The following TMEM150C variants were observed in gnomAD, a reference collection of about 807,000 sequenced individuals.
The protein encoded by TMEM150C is transmembrane protein 150C, also known as tentonin 3.
A neutral mutation model predicts 29.9 loss-of-function variants in TMEM150C; 10 were observed. The observed-to-expected ratio is 0.33, with a 90% CI of 0.21 to 0.57. The LOEUF is 0.57. Ranked by LOEUF, TMEM150C falls within the 20% of genes least tolerant of loss-of-function variation. The pLI is 0.88. For synonymous variants in TMEM150C, 101 were observed against 112.5 expected (o/e 0.90, Z 0.64); for missense variants, 251 against 303.6 (o/e 0.83, Z 1.29).
At position 82,561,588 on chromosome 4, in the gene TMEM150C, C is replaced by T. The variant is rs1349538554; in HGVS notation, c.-11+318G>A. 4.0e-5 allele frequency among the ~76,000 whole-genome samples: 6 copies of T among 150,026 alleles called. No homozygotes were observed. In the East Asian group the frequency reaches 5.9e-4, roughly 15 times the overall value. Reference sequence around the variant, plus strand: ...GCCGGGGCCGCAGCGGGCGGGCTGGCTGGCGGCACTGCGGCGGCGGGGACC... The same window carrying T: ...GCCGGGGCCGCAGCGGGCGGGCTGGTTGGCGGCACTGCGGCGGCGGGGACC... On this transcript the variant is annotated intron_variant, in intron 1 of 7. Coordinates refer to ENST00000449862, the MANE Select transcript of TMEM150C (RefSeq NM_001080506.3).
chr4:82,492,808 A>C lies in TMEM150C; in HGVS notation c.364-2570T>G, dbSNP rs1297183112. 2.5e-4 allele frequency among the ~76,000 whole-genome samples: 30 copies of C among 119,206 alleles called. No individual in the cohort carries two copies. In the South Asian group the frequency reaches 2.8e-3, roughly 11 times the overall value. 78.2% of individuals were successfully genotyped at this position (119,206 alleles called of 152,430 possible). On this transcript the variant is annotated intron_variant, in intron 6 of 7. Transcript: ENST00000449862. ...CCACTTCTCCAAAAAAAAAAAAAAA[A>C]AACAACAAAGTCTATCCATATCCAC...
At position 82,540,114 on chromosome 4, in the gene TMEM150C, C is replaced by CTTTTTTTTTTTTTTTTTT. The variant is rs577728662; in HGVS notation, c.-11+21774_-11+21791dup. ...TAGTCATTCAATGTTTCTACCTATT[C>CTTTTTTTTTTTTTTTTTT]TTTTTTTTTTTTTTTTTTTTTTTTT... On this transcript the variant is annotated intron_variant, in intron 1 of 7. Transcript: ENST00000449862. Among the ~76,000 whole-genome samples, 5 of 47,254 alleles carry CTTTTTTTTTTTTTTTTTT rather than the reference C, an allele frequency of 1.1e-4. 2 individuals carry two copies. Among genetic ancestry groups the CTTTTTTTTTTTTTTTTTT allele is most frequent in the Non-Finnish European group, 1.6e-4 (3 of 19,294 alleles). 31.0% of individuals were successfully genotyped at this position (47,254 alleles called of 152,430 possible). A position where few individuals can be genotyped will look rare whatever the true frequency, so the allele number is the denominator to read the frequency against.
chr4:82,541,016 C>T (rs1725183921), intron 1 of TMEM150C, among the ~76,000 whole-genome samples: 1 of 152,060 alleles, frequency 6.6e-6, no homozygotes, highest in South Asian at 2.1e-4. Flanking sequence ...ACAGTGCACT[C>T]CAATTTATTT....
chr4:82,496,207 G>A lies in TMEM150C; in HGVS notation c.236-12C>T, dbSNP rs1419988336. ...AGCTACCACAAGGGCTAGGAATAAA[G>A]CAAAGTCTTAAAATGGAAGAAATTA... On this transcript the variant is annotated splice_polypyrimidine_tract_variant and intron_variant, in intron 5 of 7. Coordinates refer to ENST00000449862, the MANE Select transcript of TMEM150C (RefSeq NM_001080506.3). 6.2e-7 allele frequency: 1 copy of A among 1,612,400 alleles called. No individual in the cohort carries two copies. Among genetic ancestry groups the A allele is most frequent in the Non-Finnish European group, 8.5e-7 (1 of 1,178,950 alleles).
At chr4:82,534,522 C>A (rs1013913828) in intron 1 of TMEM150C, among the ~76,000 whole-genome samples, 1 of 152,128 alleles carries the variant, frequency 6.6e-6, no homozygotes, top group African/African-American at 2.4e-5. Context: ...AAAAAGACAT[C>A]CCAAATAAAT....
At chr4:82,514,993 T>C (rs1055550697) in intron 1 of TMEM150C, among the ~76,000 whole-genome samples, 9 of 152,248 alleles carry the variant, frequency 5.9e-5, no homozygotes, top group Admixed American at 3.9e-4. Context: ...ACTCTGTTAA[T>C]TGAAGCCCAA....
At chr4:82,497,287 C>T (rs563300851) in intron 5 of TMEM150C, among the ~76,000 whole-genome samples, 33 of 152,088 alleles carry the variant, frequency 2.2e-4, no homozygotes, top group African/African-American at 8.0e-4. Context: ...AAACTTACTA[C>T]TAAGATAATT....
chr4:82,520,338 C>T (rs1289619045), intron 1 of TMEM150C, among the ~76,000 whole-genome samples: 2 of 152,150 alleles, frequency 1.3e-5, no homozygotes, highest in African/African-American at 2.4e-5. Context: ...TGTCAGCACC[C>T]ACAGTGTCCT....
In TMEM150C at chr4:82,499,450, G is replaced by A. The variant is rs959258594; in HGVS notation, c.236-3255C>T. ...AAGAGCACAAATAGAGGCCGGGCGC[G>A]GTGGCTCATGCCTATAATCCCAGCA... On this transcript the variant is annotated intron_variant, in intron 5 of 7. Transcript: ENST00000449862. Among the ~76,000 whole-genome samples, 7 of 151,978 alleles carry A rather than the reference G, an allele frequency of 4.6e-5. No homozygotes were observed. The East Asian group carries it at 9.6e-4, about 21-fold the overall frequency.
rs899086092 is a variant in TMEM150C, at chr4:82,502,625, T to G, written c.235+102A>C. 4 of 1,171,394 alleles carry G rather than the reference T, an allele frequency of 3.4e-6. No individual in the cohort carries two copies. In the Admixed American group the frequency reaches 8.9e-5, roughly 26 times the overall value. The allele number at this position is 1,171,394 out of a possible 1,614,324, so 72.6% of individuals were successfully genotyped here. A position where few individuals can be genotyped will look rare whatever the true frequency, so the allele number is the denominator to read the frequency against. ...CATATTGACATCGTATGATACTAAA[T>G]GATCAAATAAGCCCCCCATTGTTTT... On this transcript the variant is annotated intron_variant, in intron 5 of 7. Transcript: ENST00000449862.
intron 1 of TMEM150C, among the ~76,000 whole-genome samples, chr4:82,528,605 CTTT>C (rs549464188): frequency 3.6e-5 from 5 of 139,582 alleles, no homozygotes; most frequent in Admixed American, 1.4e-4. Flanking sequence ...TTCCTCGTCC[CTTT>C]TTTTTTTTTT....
chr4:82,495,171 G>C, intron 6 of TMEM150C: 1 of 384,574 alleles, frequency 2.6e-6, no homozygotes, highest in Non-Finnish European at 4.7e-6. Flanking sequence ...GACCAGGCGC[G>C]GTGGCTCAGG....
At chr4:82,499,719 CAA>C (rs1197264258) in intron 5 of TMEM150C, among the ~76,000 whole-genome samples, 4 of 40,288 alleles carry the variant, frequency 9.9e-5, no homozygotes, top group East Asian at 8.3e-4. Flanking sequence ...ACTCCGTCTC[CAA>C]AAAAAAAAAA....
At chr4:82,525,431 GA>G (rs1318569477) in intron 1 of TMEM150C, among the ~76,000 whole-genome samples, 1 of 152,138 alleles carries the variant, frequency 6.6e-6, no homozygotes, top group Non-Finnish European at 1.5e-5. Context: ...CTACAAACCA[GA>G]AAATCTAATT....
Position 82,561,981 on chromosome 4 carries a change from C to G in TMEM150C, c.-86G>C. 2 of 1,108,330 alleles carry G rather than the reference C, an allele frequency of 1.8e-6. No homozygotes were observed. Among genetic ancestry groups the G allele is most frequent in the South Asian group, 1.9e-5 (1 of 52,018 alleles). 68.7% of individuals were successfully genotyped at this position (1,108,330 alleles called of 1,614,324 possible). ...GCGGTGGCGGCGGCGGCAGCAGTAG[C>G]GGCGGGTAGGGCGCTTCCTTCAGGA... On this transcript the variant is annotated 5_prime_UTR_variant, in exon 1 of 8. Transcript: ENST00000449862.
intron 1 of TMEM150C, among the ~76,000 whole-genome samples, chr4:82,551,274 A>G (rs1011934409): frequency 2.6e-5 from 4 of 152,188 alleles, no homozygotes; most frequent in Non-Finnish European, 5.9e-5. Flanking sequence ...TCCATAGCAC[A>G]TACAGCATAC....
At chr4:82,541,607 A>G (rs1299539274) in intron 1 of TMEM150C, among the ~76,000 whole-genome samples, 1 of 152,234 alleles carries the variant, frequency 6.6e-6, no homozygotes, top group Non-Finnish European at 1.5e-5. Flanking sequence ...AAATGTACAG[A>G]TCAGACTAAA....
intron 1 of TMEM150C, among the ~76,000 whole-genome samples, chr4:82,534,803 A>G (rs1229149371): frequency 6.6e-6 from 1 of 152,194 alleles, no homozygotes; most frequent in Non-Finnish European, 1.5e-5. Context: ...AATTCCATGA[A>G]CATCCCAACT....
At chr4:82,526,783 G>A (rs1724665183) in intron 1 of TMEM150C, among the ~76,000 whole-genome samples, 1 of 151,980 alleles carries the variant, frequency 6.6e-6, no homozygotes, top group Non-Finnish European at 1.5e-5. Context: ...AAAACTAGAT[G>A]GCCTCGCTTT....
Sources: gnomAD v4.1 joint callset for allele counts (sites outside exome capture counted in the v4.1 genomes callset) on GRCh38, gnomAD v4.1.1 for gene constraint, MANE v1.5 for transcripts, NCBI Gene and HGNC (gene_info 2026-07-23, HGNC 2026-07-21) for gene names.